The following SMC1A variants were observed in gnomAD, a reference collection of about 807,000 sequenced individuals.
SMC1A encodes structural maintenance of chromosomes protein 1A.
In SMC1A, 4 loss-of-function variants were observed where a neutral mutation model predicts 94.5. The ratio of observed to expected loss-of-function variants is 0.04; its 90% CI spans 0.02 to 0.10. SMC1A has a LOEUF of 0.10. Among genes scored for constraint, SMC1A ranks in the 10% least tolerant of loss-of-function variants. SMC1A has a pLI of 1.00. For synonymous variants in SMC1A, 345 were observed against 347.7 expected (o/e 0.99, Z 0.09); for missense variants, 304 against 989.0 (o/e 0.31, Z 9.29).
intron 22 of SMC1A, 174 bp downstream of exon 22, chrX:53,382,058 G>T: frequency 1.9e-6 from 1 of 533,451 alleles, no homozygotes; most frequent in Non-Finnish European, 3.2e-6. Context: ...GGATGGGGAA[G>T]ACAGGTCCAG....
At chrX:53,384,992 A>AT (rs1569352403) in intron 19 of SMC1A, among the ~76,000 whole-genome samples, 1 of 107,893 alleles carries the variant, frequency 9.3e-6, no homozygotes, top group Non-Finnish European at 1.9e-5. Flanking sequence ...AGCTAAAAAA[A>AT]ATATATATAT....
At chrX:53,405,175 A>AG (rs1362850759) in intron 12 of SMC1A, 26 bp from the exon 13 acceptor site, 7 of 1,210,509 alleles carry the variant, frequency 5.8e-6, no homozygotes, top group Non-Finnish European at 7.8e-6. Context: ...AAGAAGGGCT[A>AG]GGTGGTAAGG....
intron 19 of SMC1A, among the ~76,000 whole-genome samples, chrX:53,391,531 T>C (rs990114343): frequency 8.2e-5 from 9 of 109,669 alleles, no homozygotes; most frequent in Admixed American, 1.9e-4. Context: ...CATCTAAACA[T>C]TGAAGTTTCT....
chrX:53,384,985 T>TA (rs1228225130), intron 19 of SMC1A, among the ~76,000 whole-genome samples: 8 of 108,487 alleles, frequency 7.4e-5, no homozygotes, highest in South Asian at 3.9e-4. Flanking sequence ...CTTCGAAAGC[T>TA]AAAAAAAATA....
intron 9 of SMC1A, among the ~76,000 whole-genome samples, chrX:53,407,565 C>T (rs1027692066): frequency 8.9e-6 from 1 of 111,956 alleles, no homozygotes; most frequent in African/African-American, 3.3e-5. Context: ...GAGGGATTCT[C>T]GGGAACTGTA....
intron 5 of SMC1A, 60 bp downstream of exon 5, chrX:53,412,840 C>G: frequency 1.7e-6 from 2 of 1,209,363 alleles, no homozygotes; most frequent in Non-Finnish European, 2.2e-6. Context: ...CAGAGGAACC[C>G]TAATAAACAG....
At chrX:53,389,911 G>A (rs1350069412) in intron 19 of SMC1A, among the ~76,000 whole-genome samples, 2 of 91,275 alleles carry the variant, frequency 2.2e-5, no homozygotes, top group African/African-American at 8.4e-5. Flanking sequence ...GTGCAATGGC[G>A]TGATCTTGGC....
intron 16 of SMC1A, among the ~76,000 whole-genome samples, chrX:53,396,864 G>T (rs1457664288): frequency 8.9e-6 from 1 of 111,858 alleles, no homozygotes; most frequent in African/African-American, 3.2e-5. Context: ...ATTAAGTGGG[G>T]AATCACTCAC....
chrX:53,412,951 T>A lies in SMC1A; in HGVS notation c.803A>T (p.Lys268Met). 1.7e-6 allele frequency: 2 copies of A among 1,195,441 alleles called. No individual in the cohort carries two copies. Among genetic ancestry groups the A allele is most frequent in the East Asian group, 5.9e-5 (2 of 33,760 alleles). The change falls in exon 5 of 25, where the codon AAG (lysine) becomes ATG (methionine). Residue 268 changes from lysine to methionine, a missense_variant. Physicochemically the swap from Lys to Met is moderately conservative, Grantham distance 95. Transcript: ENST00000322213. ...CTCCCGCATCATTTTGCCCAGCTCC[T>A]TCTTCTTCTCCTTCAGTTCATCCTC... ...KVEDELKEKK[K>M]ELGKMMREQQ...
intron 5 of SMC1A, 141 bp from the exon 6 acceptor site, chrX:53,412,394 G>A: frequency 1.3e-5 from 8 of 594,905 alleles, no homozygotes; most frequent in Admixed American, 1.1e-4. Context: ...ATGCCCCACA[G>A]ATCCTGAAAA....
chrX:53,421,783 G>T (rs1405779261), intron 1 of SMC1A: 21 of 827,366 alleles, frequency 2.5e-5, no homozygotes, highest in Non-Finnish European at 3.6e-5. Context: ...TCCACAACTT[G>T]CAACTGAATA....
chrX:53,422,634 C>T lies in SMC1A; in HGVS notation c.-34G>A, dbSNP rs782587725. The T allele has an allele frequency of 3.2e-6, 3 of 950,926 alleles. No individual in the cohort carries two copies. The allele number at this position is 950,926 out of a possible 1,213,427, so 78.4% of individuals were successfully genotyped here. A position where few individuals can be genotyped will look rare whatever the true frequency, so the allele number is the denominator to read the frequency against. On this transcript the variant is annotated 5_prime_UTR_variant, in exon 1 of 25. Transcript: ENST00000322213. ...CGGCGCCGGCGGCAGTAGGACAGGC[C>T]GCGCCGTACGCCCGAGAACTGAGGT...
chrX:53,392,108 C>T (rs1384366184), intron 19 of SMC1A, among the ~76,000 whole-genome samples: 2 of 111,279 alleles, frequency 1.8e-5, no homozygotes, highest in Non-Finnish European at 1.9e-5. Context: ...ACAATTTCCA[C>T]GGCCGGGCAC....
chrX:53,382,186 C>G, intron 22 of SMC1A, 46 bp downstream of exon 22: 1 of 1,199,511 alleles, frequency 8.3e-7, no homozygotes, highest in Non-Finnish European at 1.1e-6. Flanking sequence ...CCTCTGGTGG[C>G]CTCAGTTCAG....
In SMC1A at chrX:53,375,647, G is replaced by T; in HGVS notation, c.*4456C>A. 8.8e-6 allele frequency: 1 copy of T among 113,455 alleles called. No individual in the cohort carries two copies. The allele number at this position is 113,455 out of a possible 1,213,427, so 9.3% of individuals were successfully genotyped here. On this transcript the variant is annotated 3_prime_UTR_variant, in exon 25 of 25. Transcript: ENST00000322213. ...TGGAGGGGTGGGGAGTGGGGGGGCA[G>T]TGAGAGACCACACAGCACACAGAAT...
At chrX:53,400,221 G>A (rs1556888696) in intron 15 of SMC1A, among the ~76,000 whole-genome samples, 2 of 111,822 alleles carry the variant, frequency 1.8e-5, no homozygotes, top group African/African-American at 6.5e-5. Flanking sequence ...CACACAGCTA[G>A]TAAATGGCAC....
intron 16 of SMC1A, 88 bp downstream of exon 16, chrX:53,399,501 G>A (rs1340094386): frequency 5.4e-6 from 5 of 919,435 alleles, no homozygotes; most frequent in Non-Finnish European, 7.8e-6. Context: ...AAATTTCTAA[G>A]TTGTGGACAT....
intron 19 of SMC1A, 111 bp from the exon 20 acceptor site, chrX:53,383,364 G>C: frequency 1.3e-6 from 1 of 741,146 alleles, no homozygotes; most frequent in Non-Finnish European, 2.0e-6. Context: ...TATACGGAGG[G>C]CAGGTTCTTC....
chrX:53,394,731 T>TACCC, intron 19 of SMC1A, 47 bp downstream of exon 19: 14 of 416,213 alleles, frequency 3.4e-5, no homozygotes, highest in East Asian at 4.6e-5. Context: ...ATAGTCCCAC[T>TACCC]CCCACCCAAC....
Sources: allele counts gnomAD v4.1 joint callset (sites outside exome capture counted in the v4.1 genomes callset), GRCh38; gene constraint gnomAD v4.1.1; transcripts MANE v1.5; gene names NCBI Gene and HGNC (gene_info 2026-07-23, HGNC 2026-07-21).